The following LINGO2 variants were observed in gnomAD, a reference collection of about 807,000 sequenced individuals.
LINGO2 encodes the protein leucine-rich repeat and immunoglobulin-like domain-containing nogo receptor-interacting protein 2.
In LINGO2, 14 loss-of-function variants were observed where a neutral mutation model predicts 30.6. The ratio of observed to expected loss-of-function variants is 0.46; its 90% CI spans 0.30 to 0.72. LINGO2 has a LOEUF of 0.72. Among genes scored for constraint, LINGO2 ranks in the 30% least tolerant of loss-of-function variants. The pLI, the probability that LINGO2 is intolerant of heterozygous loss-of-function variation, is 0.07. For missense variants in LINGO2, 729 were observed against 751.7 expected, an observed-to-expected ratio of 0.97 and a Z score of 0.35; for synonymous variants, 317 against 288.5, an observed-to-expected ratio of 1.10 and a Z score of -1.00.
intron 4 of LINGO2, among the ~76,000 whole-genome samples, chr9:28,084,862 G>A (rs916039065): frequency 1.3e-5 from 2 of 152,258 alleles, no homozygotes; most frequent in African/African-American, 4.8e-5. Context: ...AAAGCCAGGA[G>A]TTATGATGGA....
At chr9:28,136,861 G>A (rs1174491494) in intron 4 of LINGO2, among the ~76,000 whole-genome samples, 1 of 152,162 alleles carries the variant, frequency 6.6e-6, no homozygotes, top group Non-Finnish European at 1.5e-5. Context: ...AAAGCAGATT[G>A]CTCTCCCCAG....
At chr9:28,054,473 T>TA (rs752902063) in intron 4 of LINGO2, among the ~76,000 whole-genome samples, 7 of 152,300 alleles carry the variant, frequency 4.6e-5, no homozygotes, top group Non-Finnish European at 1.0e-4. Flanking sequence ...CAATTTTATC[T>TA]AGACCTTAGC....
chr9:28,730,170 C>CAGGGCAATAA, the LINGO2 span, among the ~76,000 whole-genome samples: 1 of 152,016 alleles, frequency 6.6e-6, no homozygotes, highest in East Asian at 1.9e-4. Flanking sequence ...AATCAAGAAA[C>CAGGGCAATAA]AGGGCAATAA....
chr9:28,161,284 G>T (rs1325156331), intron 4 of LINGO2, among the ~76,000 whole-genome samples: 1 of 152,060 alleles, frequency 6.6e-6, no homozygotes, highest in African/African-American at 2.4e-5. Flanking sequence ...GGCAGTAGGA[G>T]ATAAAGATAT....
the LINGO2 span, among the ~76,000 whole-genome samples, chr9:29,011,328 G>A: frequency 1.3e-5 from 2 of 152,088 alleles, no homozygotes; most frequent in Non-Finnish European, 2.9e-5. Context: ...GTCCTGTGTT[G>A]ACTTCATACC....
intron 5 of LINGO2, among the ~76,000 whole-genome samples, chr9:27,963,659 G>T (rs1322337384): frequency 4.7e-5 from 7 of 149,006 alleles, no homozygotes; most frequent in Non-Finnish European, 5.9e-5. Context: ...CAATCTATAA[G>T]ACTTTTTTGT....
At chr9:28,962,477 A>G in the LINGO2 span, among the ~76,000 whole-genome samples, 1 of 152,132 alleles carries the variant, frequency 6.6e-6, no homozygotes, top group East Asian at 1.9e-4. Flanking sequence ...ACCAAGGATA[A>G]TAAATATGCC....
chr9:27,997,980 C>G (rs986765352), intron 5 of LINGO2, among the ~76,000 whole-genome samples: 1 of 151,934 alleles, frequency 6.6e-6, no homozygotes, highest in African/African-American at 2.4e-5. Flanking sequence ...GAGGTGGACA[C>G]CAGTCTGAAT....
At chr9:29,147,139 T>C in the LINGO2 span, among the ~76,000 whole-genome samples, 1 of 152,076 alleles carries the variant, frequency 6.6e-6, no homozygotes, top group Admixed American at 6.5e-5. Flanking sequence ...TTTTCCAAAT[T>C]AAATGTTTTT....
intron 4 of LINGO2, among the ~76,000 whole-genome samples, chr9:28,055,668 T>A (rs934993031): frequency 9.9e-5 from 15 of 152,172 alleles, no homozygotes; most frequent in African/African-American, 3.6e-4. Flanking sequence ...TTTGCTAGAT[T>A]GTCAAAAAAC....
chr9:28,689,771 T>A, the LINGO2 span, among the ~76,000 whole-genome samples: 7 of 152,018 alleles, frequency 4.6e-5, no homozygotes, highest in Non-Finnish European at 7.4e-5. Context: ...GTTCACTACA[T>A]ACACTGCATA....
the LINGO2 span, among the ~76,000 whole-genome samples, chr9:28,894,690 A>G: frequency 6.6e-6 from 1 of 151,894 alleles, no homozygotes; most frequent in Non-Finnish European, 1.5e-5. Flanking sequence ...TGTTGATATG[A>G]CAGAGTGTAA....
intron 3 of LINGO2, among the ~76,000 whole-genome samples, chr9:28,300,459 T>G (rs2134205526): frequency 6.6e-6 from 1 of 152,272 alleles, no homozygotes; most frequent in Non-Finnish European, 1.5e-5. Context: ...AATTCTGAAT[T>G]TGATTATGAT....
intron 2 of LINGO2, among the ~76,000 whole-genome samples, chr9:28,460,462 G>T (rs1825033061): frequency 6.6e-6 from 1 of 152,030 alleles, no homozygotes. Context: ...TTGCAGTATA[G>T]GTGACTTTTA....
At chr9:28,150,168 G>A (rs1175636615) in intron 4 of LINGO2, among the ~76,000 whole-genome samples, 1 of 132,864 alleles carries the variant, frequency 7.5e-6, no homozygotes, top group Admixed American at 7.6e-5. Context: ...CGTTTGTAAG[G>A]GAGAAGCGCC....
chr9:28,006,022 A>T (rs1822249925), intron 5 of LINGO2, among the ~76,000 whole-genome samples: 1 of 152,136 alleles, frequency 6.6e-6, no homozygotes, highest in South Asian at 2.1e-4. Context: ...ACTGATAAGC[A>T]ATTATCACTG....
intron 3 of LINGO2, among the ~76,000 whole-genome samples, chr9:28,308,797 A>T (rs1364664522): frequency 6.6e-6 from 1 of 152,150 alleles, no homozygotes; most frequent in Non-Finnish European, 1.5e-5. Context: ...TTCTCAAAAG[A>T]AGACATTTAT....
the LINGO2 span, among the ~76,000 whole-genome samples, chr9:29,156,797 T>A: frequency 0.16 from 24,251 of 152,000 alleles, 2,064 homozygotes; most frequent in East Asian, 0.37. Flanking sequence ...TTCTTACACT[T>A]CCCAAATTAT....
chr9:27,948,684 C>G, exon 6 of LINGO2: 1 of 754,364 alleles, frequency 1.3e-6, no homozygotes, highest in South Asian at 1.8e-5. Context: ...TGCCTGCCTG[C>G]CTTTCGATGG....
Sources: allele counts gnomAD v4.1 joint callset (sites outside exome capture counted in the v4.1 genomes callset), GRCh38; gene constraint gnomAD v4.1.1; transcripts MANE v1.5; gene names NCBI Gene and HGNC (gene_info 2026-07-23, HGNC 2026-07-21).